Variants in CALCOCO2 observed in about 807,000 individuals in gnomAD.
The protein encoded by CALCOCO2 is calcium binding and coiled-coil domain 2.
Under a neutral mutation model 62.5 loss-of-function variants are expected in CALCOCO2, and 42 were observed. The ratio of observed to expected loss-of-function variants is 0.67; its 90% CI spans 0.53 to 0.87. The LOEUF (loss-of-function observed/expected upper bound fraction) is 0.87, where lower values mean the gene tolerates loss of function less well. Among genes scored for constraint, CALCOCO2 ranks in the 40% least tolerant of loss-of-function variants. The pLI, the probability that CALCOCO2 is intolerant of heterozygous loss-of-function variation, is 0.00. For synonymous variants in CALCOCO2, 167 were observed against 173.0 expected (o/e 0.97, Z 0.27); for missense variants, 456 against 515.0 (o/e 0.89, Z 1.11).
chr17:48,851,220 C>G (rs375318332), intron 6 of CALCOCO2, 43 bp downstream of exon 6: 2 of 1,048,130 alleles, frequency 1.9e-6, no homozygotes, highest in Non-Finnish European at 1.5e-6. Flanking sequence ...AGCTGCTGTA[C>G]CATCAGTACC....
chr17:48,845,371 C>CTGTGTGTG (rs56280364), intron 2 of CALCOCO2, among the ~76,000 whole-genome samples: 36 of 116,288 alleles, frequency 3.1e-4, no homozygotes, highest in South Asian at 5.8e-4. Flanking sequence ...TAAATCCTCA[C>CTGTGTGTG]TGTGTGTGTG....
Position 48,831,078 on chromosome 17 carries a change from G to C in CALCOCO2, c.-11G>C, listed in dbSNP as rs2039804467. The C allele has an allele frequency of 6.5e-6, 1 of 152,740 alleles. No homozygotes were observed. Among genetic ancestry groups the C allele is most frequent in the South Asian group, 2.1e-4 (1 of 4,824 alleles). The allele number at this position is 152,740 out of a possible 1,614,324, so 9.5% of individuals were successfully genotyped here. A position where few individuals can be genotyped will look rare whatever the true frequency, so the allele number is the denominator to read the frequency against. On this transcript the variant is annotated splice_region_variant and 5_prime_UTR_variant, in exon 1 of 13. Transcript: ENST00000258947. ...CGCGCCGCTGCTGGTTGCTGTCCCT[G>C]GTGAGTGCCTCAAGTGGAAAGGGGC... is the stretch of plus-strand genomic sequence containing the variant.
At chr17:48,838,025 A>G (rs2039917787) in intron 1 of CALCOCO2, among the ~76,000 whole-genome samples, 1 of 152,160 alleles carries the variant, frequency 6.6e-6, no homozygotes, top group Admixed American at 6.5e-5. Flanking sequence ...CTCCTCAGAC[A>G]CCGAGTTAAC....
At position 48,852,552 on chromosome 17, in the gene CALCOCO2, G is replaced by A; in HGVS notation, c.749G>A (p.Gly250Glu). The change falls in exon 8 of 13, where the codon GGA becomes GAA. Residue 250 changes from glycine to glutamate, a missense_variant. Physicochemically the swap from Gly to Glu is moderately conservative, Grantham distance 98 (BLOSUM62 -2). Around this residue, in one of 3 missense-constraint regions of CALCOCO2, gnomAD observed 236 missense variants for 225.3 expected, o/e 1.05. Transcript: ENST00000258947. ...AAAGAAATGGAGAAGCTTGTTCAGGGAGATCAAGATAAGACAGAGCAGTTA... is the reference window on the plus strand; with the variant it reads ...AAAGAAATGGAGAAGCTTGTTCAGGAAGATCAAGATAAGACAGAGCAGTTA... ...QEKEMEKLVQGDQDKTEQLEQ... is the reference protein window; with the variant it reads ...QEKEMEKLVQEDQDKTEQLEQ... The A allele has an allele frequency of 1.2e-6, 2 of 1,612,788 alleles. No individual in the cohort carries two copies. Among genetic ancestry groups the A allele is most frequent in the Non-Finnish European group, 1.7e-6 (2 of 1,178,852 alleles).
intron 5 of CALCOCO2, among the ~76,000 whole-genome samples, chr17:48,850,209 G>A (rs538240657): frequency 1.1e-4 from 16 of 152,126 alleles, no homozygotes; most frequent in African/African-American, 3.9e-4. Flanking sequence ...TGAGGCAGGA[G>A]AATTGCTTGA....
intron 1 of CALCOCO2, among the ~76,000 whole-genome samples, chr17:48,832,429 T>C (rs1449880942): frequency 6.6e-6 from 1 of 152,208 alleles, no homozygotes; most frequent in Admixed American, 6.5e-5. Flanking sequence ...TTTGGCAGTA[T>C]GTATTGATAG....
intron 1 of CALCOCO2, among the ~76,000 whole-genome samples, chr17:48,835,041 G>GC (rs11408920): frequency 0.61 from 91,857 of 151,488 alleles, 28,856 homozygotes; most frequent in East Asian, 0.89. Context: ...GTGAGACCCT[G>GC]CCCCCCCGCA....
At chr17:48,848,556 G>T in intron 4 of CALCOCO2, 101 bp downstream of exon 4, 1 of 1,070,028 alleles carries the variant, frequency 9.3e-7, no homozygotes, top group Non-Finnish European at 1.4e-6. Flanking sequence ...ATATCTAACG[G>T]GTATCATTGG....
At chr17:48,837,193 C>T (rs975679138) in intron 1 of CALCOCO2, among the ~76,000 whole-genome samples, 5 of 152,168 alleles carry the variant, frequency 3.3e-5, no homozygotes, top group African/African-American at 4.8e-5. Context: ...CTCCATATGA[C>T]GGTAGACCAC....
intron 5 of CALCOCO2, among the ~76,000 whole-genome samples, chr17:48,850,023 G>C (rs1207228665): frequency 6.6e-6 from 1 of 151,336 alleles, no homozygotes; most frequent in African/African-American, 2.4e-5. Context: ...CCAGGAGACC[G>C]GGCGTGGTGG....
chr17:48,853,826 A>G (rs2040166417), intron 9 of CALCOCO2, among the ~76,000 whole-genome samples: 1 of 152,232 alleles, frequency 6.6e-6, no homozygotes, highest in South Asian at 2.1e-4. Context: ...ACCTAGCAAC[A>G]TTGAGCCCAC....
intron 6 of CALCOCO2, 61 bp downstream of exon 6, chr17:48,851,238 A>T: frequency 1.1e-6 from 1 of 917,586 alleles, no homozygotes; most frequent in Non-Finnish European, 1.8e-6. Flanking sequence ...ACCCTTAAGT[A>T]CAGTCAGATT....
chr17:48,835,072 A>G (rs2039872910), intron 1 of CALCOCO2, among the ~76,000 whole-genome samples: 1 of 151,854 alleles, frequency 6.6e-6, no homozygotes, highest in Non-Finnish European at 1.5e-5. Context: ...TTCTCTTTAC[A>G]TATCTTCCCT....
At chr17:48,848,796 T>G (rs570378767) in intron 4 of CALCOCO2, 1 of 500,334 alleles carries the variant, frequency 2.0e-6, no homozygotes, top group African/African-American at 1.9e-5. Flanking sequence ...TCTTATCTCT[T>G]TCAGTTCTGG....
intron 4 of CALCOCO2, chr17:48,848,849 T>G: frequency 2.1e-6 from 1 of 479,576 alleles, no homozygotes; most frequent in Non-Finnish European, 4.1e-6. Context: ...ATTCATTTTC[T>G]TACTTCATCA....
Position 48,848,309 on chromosome 17 carries a change from G to A in CALCOCO2, c.284-13G>A. 7 of 1,610,140 alleles carry A rather than the reference G, an allele frequency of 4.3e-6. No individual in the cohort carries two copies. Among genetic ancestry groups the A allele is most frequent in the Non-Finnish European group, 5.9e-6 (7 of 1,177,464 alleles). On this transcript the variant is annotated splice_polypyrimidine_tract_variant and intron_variant, in intron 3 of 12. Coordinates refer to ENST00000258947, the MANE Select transcript of CALCOCO2 (RefSeq NM_005831.5). ...GATCTTATTTTGGATGAAAAATTAT[G>A]TTGTGTTTTCAGCTTACTACCTGCC...
At chr17:48,839,855 A>G (rs969242051) in intron 1 of CALCOCO2, among the ~76,000 whole-genome samples, 1 of 148,384 alleles carries the variant, frequency 6.7e-6, no homozygotes, top group Admixed American at 6.7e-5. Flanking sequence ...TTGTATTTTT[A>G]GTAAAGATGG....
intron 9 of CALCOCO2, 184 bp from the exon 10 acceptor site, chr17:48,855,908 C>T (rs2040208214): frequency 2.9e-6 from 1 of 346,684 alleles, no homozygotes; most frequent in Non-Finnish European, 5.2e-6. Flanking sequence ...CAGCTCAGGC[C>T]TTCAGGTGTC....
chr17:48,847,785 A>G (rs1023863347), intron 2 of CALCOCO2: 2 of 237,192 alleles, frequency 8.4e-6, no homozygotes, highest in South Asian at 5.8e-5. Flanking sequence ...CCTCCTGAGT[A>G]GCTGGGATTA....
Sources: allele counts gnomAD v4.1 joint callset (sites outside exome capture counted in the v4.1 genomes callset), GRCh38; gene constraint gnomAD v4.1.1; regional missense constraint gnomAD v4.1.1; transcripts MANE v1.5; gene names NCBI Gene and HGNC (gene_info 2026-07-23, HGNC 2026-07-21).